Variants in PDXDC1 observed in about 807,000 individuals in gnomAD.
PDXDC1 encodes pyridoxal-dependent decarboxylase domain-containing protein 1.
PDXDC1 carries 42 observed loss-of-function variants against 100.1 expected under a neutral mutation model. The ratio of observed to expected loss-of-function variants is 0.42; its 90% confidence interval spans 0.33 to 0.54. The LOEUF (loss-of-function observed/expected upper bound fraction) is 0.54, where lower values mean the gene tolerates loss of function less well. Ranked by LOEUF, PDXDC1 falls within the 20% of genes least tolerant of loss-of-function variation. The probability of loss-of-function intolerance (pLI) is 0.10; values close to 1 mark genes in which losing one functional copy is unlikely to be tolerated. For missense variants in PDXDC1, 636 were observed against 979.2 expected (o/e 0.65, Z 4.68); for synonymous variants, 260 against 371.7 (o/e 0.70, Z 3.46).
At chr16:15,000,267 C>A (rs1972861298) in intron 3 of PDXDC1, among the ~76,000 whole-genome samples, 1 of 152,284 alleles carries the variant, frequency 6.6e-6, no homozygotes. Flanking sequence ...GTGCTACCAC[C>A]CAGCATTCAA....
chr16:15,091,024 T>C (rs1470627304), intron 16 of PDXDC1, among the ~76,000 whole-genome samples: 1 of 152,150 alleles, frequency 6.6e-6, no homozygotes, highest in Non-Finnish European at 1.5e-5. Context: ...TGGATCACTC[T>C]TGGTTCTGGG....
intron 15 of PDXDC1, chr16:15,029,229 G>A: frequency 3.3e-6 from 2 of 609,958 alleles, no homozygotes; most frequent in Admixed American, 2.8e-5. Flanking sequence ...CAAAAGGTGG[G>A]CTGCAGGGCA....
intron 15 of PDXDC1, chr16:15,029,233 C>T (rs2042872484): frequency 3.3e-6 from 2 of 609,466 alleles, no homozygotes; most frequent in African/African-American, 3.7e-5. Flanking sequence ...AGGTGGGCTG[C>T]AGGGCAGCTG....
chr16:15,069,973 C>T, intron 16 of PDXDC1: 3 of 1,437,160 alleles, frequency 2.1e-6, no homozygotes, highest in South Asian at 1.3e-5. Context: ...TTTCTGAATC[C>T]AGTTTTTATA....
chr16:15,004,171 T>C lies in PDXDC1; in HGVS notation c.243-16T>C, dbSNP rs746901567. ...TTTTTATGGTTTGACTCTAATACTT[T>C]AATTTTGCTTAACAGAATCCAAAAT... On this transcript the variant is annotated splice_polypyrimidine_tract_variant and intron_variant, in intron 4 of 22. Coordinates refer to ENST00000396410, the MANE Select transcript of PDXDC1 (RefSeq NM_015027.4). The C allele has an allele frequency of 6.8e-6, 11 of 1,609,438 alleles. No homozygotes were observed. Among genetic ancestry groups the C allele is most frequent in the Middle Eastern group, 1.6e-4 (1 of 6,074 alleles).
At chr16:15,144,358 C>G in the PDXDC1 span, among the ~76,000 whole-genome samples, 4 of 152,228 alleles carry the variant, frequency 2.6e-5, no homozygotes, top group African/African-American at 9.6e-5. Flanking sequence ...TTTAAATTAA[C>G]AGGCTGCAGT....
At chr16:15,068,588 G>A (rs900885455) in intron 16 of PDXDC1, among the ~76,000 whole-genome samples, 8 of 152,226 alleles carry the variant, frequency 5.3e-5, no homozygotes, top group African/African-American at 1.9e-4. Context: ...AGATAATACA[G>A]AGGGAGAAAA....
intron 16 of PDXDC1, chr16:15,126,039 A>ATT: frequency 9.6e-5 from 45 of 466,612 alleles, no homozygotes; most frequent in East Asian, 1.8e-4. Flanking sequence ...TTTCAATTTC[A>ATT]TTTTTTTTTT....
At chr16:15,025,015 T>C (rs1443145978) in intron 13 of PDXDC1, among the ~76,000 whole-genome samples, 1 of 152,310 alleles carries the variant, frequency 6.6e-6, no homozygotes, top group Non-Finnish European at 1.5e-5. Context: ...TCCCATCCCC[T>C]GCCACTCAGC....
chr16:15,038,556 C>T, downstream of PDXDC1: 1 of 1,348,716 alleles, frequency 7.4e-7, no homozygotes, highest in Non-Finnish European at 1.1e-6. Context: ...AAGACTTACC[C>T]AGCCTGTAAA....
At chr16:15,142,840 G>A (rs1257358319), downstream of PDXDC1, among the ~76,000 whole-genome samples, 1 of 151,926 alleles carries the variant, frequency 6.6e-6, no homozygotes, top group Non-Finnish European at 1.5e-5. Flanking sequence ...CAAGGATGGG[G>A]GACACAGCAG....
At chr16:14,985,570 C>T (rs1969180557) in intron 1 of PDXDC1, among the ~76,000 whole-genome samples, 1 of 152,250 alleles carries the variant, frequency 6.6e-6, no homozygotes, top group African/African-American at 2.4e-5. Context: ...CAGGTGTGAG[C>T]CACCGCGCCT....
chr16:15,056,303 CT>C (rs910918433), intron 16 of PDXDC1, among the ~76,000 whole-genome samples: 9 of 152,200 alleles, frequency 5.9e-5, no homozygotes, highest in African/African-American at 2.2e-4. Context: ...GAAAGGAGAG[CT>C]GCCAGGGAGC....
At chr16:14,991,388 C>T (rs1187534657) in intron 1 of PDXDC1, among the ~76,000 whole-genome samples, 1 of 152,178 alleles carries the variant, frequency 6.6e-6, no homozygotes, top group East Asian at 1.9e-4. Flanking sequence ...AGAGCCTCAA[C>T]CTCCCAGGCT....
intron 16 of PDXDC1, among the ~76,000 whole-genome samples, chr16:15,124,110 C>A (rs2047572524): frequency 6.6e-6 from 1 of 152,336 alleles, no homozygotes; most frequent in South Asian, 2.1e-4. Context: ...AAACAAAGTT[C>A]ATCAGCTTCT....
At chr16:15,146,296 G>T in the PDXDC1 span, among the ~76,000 whole-genome samples, 1 of 152,128 alleles carries the variant, frequency 6.6e-6, no homozygotes, top group Non-Finnish European at 1.5e-5. Context: ...AGCTCCCAAA[G>T]GCTCTTGGTG....
intron 16 of PDXDC1, among the ~76,000 whole-genome samples, chr16:15,078,137 T>C (rs2045544510): frequency 6.6e-6 from 1 of 152,240 alleles, no homozygotes; most frequent in Non-Finnish European, 1.5e-5. Context: ...TCCTTAAGTA[T>C]ATACCAGAGA....
At chr16:15,032,721 G>C (rs575555981) in intron 17 of PDXDC1, 140 bp from the exon 18 acceptor site, 1 of 608,508 alleles carries the variant, frequency 1.6e-6, no homozygotes, top group Admixed American at 2.6e-5. Context: ...GAAAGTTTGT[G>C]GTCTGGAGAC....
chr16:15,047,323 G>T, intron 16 of PDXDC1: 1 of 713,972 alleles, frequency 1.4e-6, no homozygotes, highest in South Asian at 1.6e-5. Context: ...TGTTCCAGGG[G>T]AACGAGGCAG....
Sources: allele counts gnomAD v4.1 joint callset (sites outside exome capture counted in the v4.1 genomes callset), GRCh38; gene constraint gnomAD v4.1.1; transcripts MANE v1.5; gene names NCBI Gene and HGNC (gene_info 2026-07-23, HGNC 2026-07-21).